DOK1: variants seen among roughly 807,000 people sequenced by gnomAD.
DOK1 encodes docking protein 1, also known as Downstream of tyrosine kinase 1.
Under a neutral mutation model 24.0 loss-of-function variants are expected in DOK1, and 12 were observed. The observed-to-expected ratio is 0.50, with a 90% CI of 0.32 to 0.81. The LOEUF (loss-of-function observed/expected upper bound fraction) is 0.81. Among genes scored for constraint, DOK1 ranks in the 30% least tolerant of loss-of-function variants. DOK1 has a pLI of 0.03. For synonymous variants in DOK1, 250 were observed against 260.9 expected (o/e 0.96, Z 0.40); for missense variants, 591 against 620.7 (o/e 0.95, Z 0.51).
upstream of DOK1, chr2:74,552,463 C>A: frequency 2.5e-6 from 4 of 1,613,808 alleles, no homozygotes; most frequent in Non-Finnish European, 3.4e-6. Context: ...TGTATCTCCA[C>A]GCGGCCCTCG....
Position 74,555,177 on chromosome 2 carries a change from G to C in DOK1, c.84G>C (p.Val28=). The C allele has an allele frequency of 6.2e-7, 1 of 1,613,054 alleles. No individual in the cohort carries two copies. The change falls in exon 2 of 5, where the codon GTG becomes GTC. Residue 28 remains valine, a synonymous_variant. Coordinates refer to ENST00000233668, the MANE Select transcript of DOK1 (RefSeq NM_001381.5). This position sits in a 1 kb window ranked among gnomAD's most constrained non-coding sequence, Gnocchi z 6.1. ...AGAGGTGGAGGAAGACCTGGGCCGT[G>C]CTCTACCCGGCCAGTCCCCACGGCG... ...GTKRWRKTWA[V]LYPASPHGVA...
chr2:74,552,602 G>C, upstream of DOK1: 1 of 1,587,052 alleles, frequency 6.3e-7, no homozygotes, highest in Non-Finnish European at 8.6e-7. Flanking sequence ...GCAGCCCCCA[G>C]GGGCTCCACT....
chr2:74,549,554 C>T lies in DOK1; in HGVS notation c.-358+382C>T. On this transcript the variant is annotated intron_variant, in intron 1 of 4. Coordinates refer to the DOK1 transcript ENST00000409429. The surrounding 1 kb of genome is among the most constrained non-coding windows in gnomAD (Gnocchi z 5.3). ...CCCACCCAACGGCGGGTCGAATTCG[C>T]ACCTCCTCCACTTGCAGGTGATGCT... 6 of 1,611,060 alleles carry T rather than the reference C, an allele frequency of 3.7e-6. No individual in the cohort carries two copies. The highest frequency in any genetic ancestry group is 1.3e-5 in the African/African-American group (1 of 75,034).
rs760204893 is a variant in DOK1 at position 74,556,010 on chromosome 2, CAG to C, written c.574_575del (p.Gln193AspfsTer47). On this transcript the variant is annotated frameshift_variant, in exon 4 of 5. Coordinates refer to ENST00000233668, the MANE Select transcript of DOK1 (RefSeq NM_001381.5). LOFTEE classifies it high-confidence loss of function. The surrounding 1 kb of genome is among the most constrained non-coding windows in gnomAD (Gnocchi z 4.1). ...GCTGACTCTCCTGACCGTGGGGGCC[CAG>C]AGTCAGATACTGGAGCCACTCCTGT... ...ERLTLLTVGAQSQILEPLLSW... is the reference protein window; with the variant it reads ...ERLTLLTVGAXSQILEPLLSW... The C allele has an allele frequency of 6.2e-7, 1 of 1,613,704 alleles. No individual in the cohort carries two copies. The highest frequency in any genetic ancestry group is 1.1e-5 in the South Asian group (1 of 91,042).
Position 74,555,490 on chromosome 2 carries a change from C to T in DOK1, c.360+37C>T. 1 of 1,609,744 alleles carries T rather than the reference C, an allele frequency of 6.2e-7. No individual in the cohort carries two copies. The highest frequency in any genetic ancestry group is 2.2e-5 in the East Asian group (1 of 44,852). On this transcript the variant is annotated intron_variant, in intron 2 of 4. Coordinates refer to ENST00000233668, the MANE Select transcript of DOK1 (RefSeq NM_001381.5). This position sits in a 1 kb window ranked among gnomAD's most constrained non-coding sequence, Gnocchi z 6.1. ...CGGCGATGCGGGGTGGGGGCAGTTA[C>T]AGAGGCAGAGAAATGGGGCTGCCTC...
At chr2:74,550,102 C>T, upstream of DOK1, 5 of 1,508,390 alleles carry the variant, frequency 3.3e-6, no homozygotes, top group Non-Finnish European at 4.4e-6. Flanking sequence ...GGGGTAACTA[C>T]CTTCTAATGT....
chr2:74,552,270 C>T (rs1677062176), upstream of DOK1: 2 of 1,527,136 alleles, frequency 1.3e-6, no homozygotes, highest in South Asian at 1.2e-5. Flanking sequence ...CCTTTCCCTG[C>T]ACTTTGGCCA....
rs750701771 is a variant in DOK1, at chr2:74,555,300, G to A, written c.207G>A (p.Glu69=). 1 of 1,614,122 alleles carries A rather than the reference G, an allele frequency of 6.2e-7. No individual in the cohort carries two copies. The highest frequency in any genetic ancestry group is 2.2e-5 in the East Asian group (1 of 44,886). Residue 69 remains glutamate, a synonymous_variant, in exon 2 of 5, where the codon GAG becomes GAA. Coordinates refer to ENST00000233668, the MANE Select transcript of DOK1 (RefSeq NM_001381.5). This position sits in a 1 kb window ranked among gnomAD's most constrained non-coding sequence, Gnocchi z 6.1. ...ACTGCAAAGTGATCCGTCTGGCTGA[G>A]TGTGTGAGTGTGGCCCCCGTCACCG... The part of the protein sequence containing the change: ...RLDCKVIRLA[E]CVSVAPVTVE...
chr2:74,550,731 T>C (rs1340682988), upstream of DOK1, among the ~76,000 whole-genome samples: 5 of 152,180 alleles, frequency 3.3e-5, no homozygotes, highest in Non-Finnish European at 1.5e-5. Context: ...GCCAGAACAC[T>C]GTTTTATATA....
At chr2:74,550,966 C>T (rs1018306743), upstream of DOK1, among the ~76,000 whole-genome samples, 1 of 151,294 alleles carries the variant, frequency 6.6e-6, no homozygotes, top group Non-Finnish European at 1.5e-5. Flanking sequence ...GAAGTCTTGC[C>T]CTGTTGCCTA....
Position 74,557,222 on chromosome 2 carries a change from C to CTG in DOK1, c.*113_*114dup. The stretch of plus-strand genomic sequence containing the variant: ...AAGCCAGAGGGTGGGAGGGGCCATG[C>CTG]TGTGTGAGACCAGGGGACCAGAGGG... On this transcript the variant is annotated 3_prime_UTR_variant, in exon 5 of 5. Coordinates refer to ENST00000233668, the MANE Select transcript of DOK1 (RefSeq NM_001381.5). The CTG allele has an allele frequency of 1.8e-6, 2 of 1,141,824 alleles. No individual in the cohort carries two copies. The highest frequency in any genetic ancestry group is 2.4e-6 in the Non-Finnish European group (2 of 817,736). The allele number at this position is 1,141,824 out of a possible 1,614,324, so 70.7% of individuals were successfully genotyped here.
chr2:74,552,435 C>A (rs905074850), upstream of DOK1: 1 of 1,613,762 alleles, frequency 6.2e-7, no homozygotes, highest in African/African-American at 1.3e-5. Flanking sequence ...GCAGATGGTG[C>A]CCCATTCACC....
At chr2:74,552,701 G>C (rs934324725), upstream of DOK1, 26 of 1,392,792 alleles carry the variant, frequency 1.9e-5, no homozygotes, top group Non-Finnish European at 2.4e-5. Context: ...GTGGGGCCCA[G>C]AGTCAGAAAG....
chr2:74,552,215 G>C, upstream of DOK1: 1 of 1,003,734 alleles, frequency 1.0e-6, no homozygotes, highest in Non-Finnish European at 1.5e-6. Context: ...AATGCTGGCT[G>C]TTCTTGGTGT....
upstream of DOK1, among the ~76,000 whole-genome samples, chr2:74,551,777 G>C (rs977213516): frequency 7.9e-5 from 12 of 152,226 alleles, no homozygotes; most frequent in African/African-American, 2.9e-4. Context: ...CATACCATGG[G>C]CACAGTCCTA....
At chr2:74,551,418 G>A (rs1488921938), upstream of DOK1, among the ~76,000 whole-genome samples, 1 of 152,220 alleles carries the variant, frequency 6.6e-6, no homozygotes, top group Non-Finnish European at 1.5e-5. Context: ...GACTCTTCAT[G>A]ACTTTCCCCT....
chr2:74,554,410 G>GA, upstream of DOK1: 1 of 314,574 alleles, frequency 3.2e-6, no homozygotes, highest in Non-Finnish European at 5.9e-6. The surrounding 1 kb of genome is among the most constrained non-coding windows in gnomAD (Gnocchi z 4.9). Flanking sequence ...GGCGCTTTCG[G>GA]GGTGATGTCA....
chr2:74,553,140 G>A (rs1677131981), upstream of DOK1: 1 of 155,530 alleles, frequency 6.4e-6, no homozygotes, highest in Non-Finnish European at 1.4e-5. Context: ...GAGCCAAGGG[G>A]CGGACGTGGG....
rs142256059 is a variant in DOK1, at chr2:74,555,866, C to T, written c.455-28C>T. 1.1e-5 allele frequency: 17 copies of T among 1,590,192 alleles called. No individual in the cohort carries two copies. In the East Asian group the frequency reaches 3.4e-4, roughly 31 times the overall value. On this transcript the variant is annotated intron_variant, in intron 3 of 4. Transcript: ENST00000233668. The surrounding 1 kb of genome is among the most constrained non-coding windows in gnomAD (Gnocchi z 6.1). ...CACTGCTGCCCCCGTCCCTCCCCCG[C>T]AGCTGTCTAATCGTGTATGCCTTCC...
Sources: gnomAD v4.1 joint callset for allele counts (sites outside exome capture counted in the v4.1 genomes callset) on GRCh38, gnomAD v4.1.1 for gene constraint, Gnocchi (gnomAD v3.1) non-coding constraint, MANE v1.5 for transcripts, NCBI Gene and HGNC (gene_info 2026-07-23, HGNC 2026-07-21) for gene names.